The following CHLSN variants were observed in gnomAD, a reference collection of about 807,000 sequenced individuals.
CHLSN encodes cholesin.
chr7:1,014,723 C>T, the CHLSN span, among the ~76,000 whole-genome samples: 2 of 152,278 alleles, frequency 1.3e-5, no homozygotes, highest in African/African-American at 4.8e-5. Context: ...TCCGAATTTT[C>T]CTAAGTGATG....
At chr7:1,035,574 A>C in the CHLSN span, among the ~76,000 whole-genome samples, 1 of 152,240 alleles carries the variant, frequency 6.6e-6, no homozygotes, top group Non-Finnish European at 1.5e-5. Flanking sequence ...GGGAGCGCCC[A>C]TGAAAATAGC....
chr7:980,748 T>C, the CHLSN span, among the ~76,000 whole-genome samples: 7 of 144,516 alleles, frequency 4.8e-5, no homozygotes, highest in East Asian at 6.3e-4. Flanking sequence ...AGTGCAGTGG[T>C]GCCATCTCAG....
chr7:1,022,973 G>A, the CHLSN span: 8 of 473,448 alleles, frequency 1.7e-5, no homozygotes, highest in Non-Finnish European at 2.1e-5. Context: ...TCGTCGAGGC[G>A]CTCACAGGCA....
At chr7:1,129,991 G>T in the CHLSN span, among the ~76,000 whole-genome samples, 2 of 152,072 alleles carry the variant, frequency 1.3e-5, no homozygotes, top group Non-Finnish European at 2.9e-5. Flanking sequence ...GCAAAGCTGT[G>T]GCACCACACG....
At chr7:1,058,573 C>T in the CHLSN span, 2 of 702,536 alleles carry the variant, frequency 2.8e-6, no homozygotes, top group East Asian at 2.5e-5. Flanking sequence ...CACTTAGTTA[C>T]CCTGGACGCT....
chr7:1,046,797 T>C, the CHLSN span, among the ~76,000 whole-genome samples: 2 of 152,182 alleles, frequency 1.3e-5, no homozygotes, highest in African/African-American at 4.8e-5. Context: ...CCCATTTTAA[T>C]TGGAACCAAA....
At chr7:1,057,462 G>A in the CHLSN span, 42 of 700,452 alleles carry the variant, frequency 6.0e-5, no homozygotes, top group Admixed American at 3.6e-4. Flanking sequence ...GACGGGACGC[G>A]AGCTGACCAC....
the CHLSN span, chr7:984,323 C>T: frequency 1.3e-6 from 2 of 1,483,606 alleles, no homozygotes. Flanking sequence ...TCTGTCCCCA[C>T]CCCTACCCAG....
chr7:1,088,025 A>C, the CHLSN span: 1 of 152,456 alleles, frequency 6.6e-6, no homozygotes, highest in South Asian at 2.1e-4. The surrounding 1 kb of genome is among the most constrained non-coding windows in gnomAD (Gnocchi z 4.5). Flanking sequence ...TAGCCTTCTG[A>C]GGAGGCCGCC....
chr7:1,054,483 G>C, the CHLSN span, among the ~76,000 whole-genome samples: 12 of 152,212 alleles, frequency 7.9e-5, no homozygotes, highest in Admixed American at 2.6e-4. Context: ...GCACGCACTC[G>C]AGAGCCGGTT....
At chr7:986,459 T>C in the CHLSN span, 7 of 754,282 alleles carry the variant, frequency 9.3e-6, no homozygotes, top group Non-Finnish European at 1.3e-5. Flanking sequence ...TGGCAGTTCC[T>C]GGTCCTCCCT....
At chr7:1,121,653 G>A in the CHLSN span, among the ~76,000 whole-genome samples, 1 of 152,254 alleles carries the variant, frequency 6.6e-6, no homozygotes, top group South Asian at 2.1e-4. Flanking sequence ...CTGGCTGTGC[G>A]AGGCGCAAGC....
chr7:1,027,622 C>A, the CHLSN span, among the ~76,000 whole-genome samples: 1 of 152,268 alleles, frequency 6.6e-6, no homozygotes, highest in Non-Finnish European at 1.5e-5. Flanking sequence ...TGAAGCTATC[C>A]CAATTGTTTT....
the CHLSN span, among the ~76,000 whole-genome samples, chr7:1,119,816 G>T: frequency 6.6e-6 from 1 of 151,878 alleles, no homozygotes; most frequent in Admixed American, 6.6e-5. Flanking sequence ...GGCAGAGGTT[G>T]CGGTGAGCCG....
chr7:1,112,949 A>T, the CHLSN span, among the ~76,000 whole-genome samples: 1 of 152,174 alleles, frequency 6.6e-6, no homozygotes, highest in Non-Finnish European at 1.5e-5. Context: ...CACAAAAGCC[A>T]AAGCCCAGAG....
chr7:1,028,901 TCCC>T, the CHLSN span: 1 of 668,040 alleles, frequency 1.5e-6, no homozygotes, highest in Non-Finnish European at 1.8e-6. Flanking sequence ...TGACTCCATG[TCCC>T]CCCATCTCCC....
chr7:1,092,729 A>G, the CHLSN span: 1 of 1,613,556 alleles, frequency 6.2e-7, no homozygotes, highest in Non-Finnish European at 8.5e-7. Context: ...TTCAGGGACA[A>G]GCTGAGGCTG....
the CHLSN span, among the ~76,000 whole-genome samples, chr7:1,044,121 A>C: frequency 6.6e-6 from 1 of 152,256 alleles, no homozygotes; most frequent in Non-Finnish European, 1.5e-5. Context: ...TGGAAACAGC[A>C]AGCAAACTTC....
the CHLSN span, among the ~76,000 whole-genome samples, chr7:1,034,169 A>T: frequency 6.6e-6 from 1 of 152,238 alleles, no homozygotes; most frequent in Admixed American, 6.5e-5. Context: ...ACCACCACCT[A>T]CGACTGCTCA....
Sources: allele counts gnomAD v4.1 joint callset (sites outside exome capture counted in the v4.1 genomes callset), GRCh38; gene constraint gnomAD v4.1.1; non-coding constraint Gnocchi (gnomAD v3.1); transcripts MANE v1.5; gene names NCBI Gene and HGNC (gene_info 2026-07-23, HGNC 2026-07-21).